ZNF610: variants seen among roughly 807,000 people sequenced by gnomAD.
The protein encoded by ZNF610 is zink finger protein.
A neutral mutation model predicts 14.1 loss-of-function variants in ZNF610; 14 were observed. That is an observed-to-expected ratio of 0.99 (90% CI 0.65 to 1.55). ZNF610 has a LOEUF of 1.55. Among genes scored for constraint, ZNF610 ranks in the 40% most tolerant of loss-of-function variants. The pLI is 0.00. For synonymous variants in ZNF610, 185 were observed against 187.6 expected (o/e 0.99, Z 0.11); for missense variants, 530 against 558.0 (o/e 0.95, Z 0.51).
rs948835586 is a variant in ZNF610, at chr19:52,367,048, C to T, written c.*281C>T. The T allele has an allele frequency of 5.1e-5, 19 of 369,244 alleles. No individual in the cohort carries two copies. In the South Asian group the frequency reaches 6.0e-4, roughly 12 times the overall value. 22.9% of individuals were successfully genotyped at this position (369,244 alleles called of 1,614,324 possible). A position where few individuals can be genotyped will look rare whatever the true frequency, so the allele number is the denominator to read the frequency against. ...AGGATTCACATTTAACTGCTGGCAC[C>T]GTAATTTGTAACTCTTTGATTTAGA... On this transcript the variant is annotated 3_prime_UTR_variant, in exon 6 of 6. Transcript: ENST00000403906.
intron 1 of ZNF610, among the ~76,000 whole-genome samples, chr19:52,337,981 C>G (rs1033634515): frequency 1.3e-5 from 2 of 151,492 alleles, no homozygotes; most frequent in African/African-American, 4.9e-5. Context: ...GAACACCCAA[C>G]ACAGAATGCC....
chr19:52,342,211 T>C (rs4801913), intron 1 of ZNF610, among the ~76,000 whole-genome samples: 108,012 of 152,024 alleles, frequency 0.71, 38,670 homozygotes, highest in African/African-American at 0.78. Context: ...CCAAAATGTA[T>C]CCAGATGGAG....
intron 2 of ZNF610, chr19:52,348,234 G>A (rs1277788037): frequency 6.6e-6 from 1 of 152,126 alleles, no homozygotes; most frequent in Non-Finnish European, 1.5e-5. Context: ...GTGCATGACT[G>A]TATTTGCATA....
chr19:52,345,727 T>C (rs972258895), intron 1 of ZNF610, among the ~76,000 whole-genome samples: 4 of 151,944 alleles, frequency 2.6e-5, no homozygotes, highest in East Asian at 1.9e-4. Flanking sequence ...TTTTTGGAGA[T>C]GGAGTCTCGC....
upstream of ZNF610, among the ~76,000 whole-genome samples, chr19:52,333,113 G>A (rs1488257013): frequency 6.6e-6 from 1 of 152,190 alleles, no homozygotes; most frequent in African/African-American, 2.4e-5. Flanking sequence ...ATAGGACAAA[G>A]GACAGAGGAT....
At chr19:52,346,234 A>G (rs1984950674) in intron 1 of ZNF610, among the ~76,000 whole-genome samples, 1 of 149,538 alleles carries the variant, frequency 6.7e-6, no homozygotes, top group African/African-American at 2.5e-5. Flanking sequence ...GCCCAGGCTC[A>G]GCTCACTGCA....
chr19:52,331,451 A>G (rs902450718), upstream of ZNF610, among the ~76,000 whole-genome samples: 5 of 152,174 alleles, frequency 3.3e-5, no homozygotes, highest in African/African-American at 1.2e-4. Context: ...GGTTAAATCT[A>G]ATGTGGTGGC....
chr19:52,366,007 G>A lies in ZNF610; in HGVS notation c.629G>A (p.Gly210Asp), dbSNP rs762246652. The change falls in exon 6 of 6, where the codon GGT becomes GAT. Residue 210 changes from glycine to aspartate, a missense_variant. Transcript: ENST00000403906. ...TATGAATATGAATGTAGTGAAGATG[G>A]TGAAGTTTTTAGAGTCCGTGCAAGC... ...KSYEYECSEDGEVFRVRASLT... is the reference protein window; with the variant it reads ...KSYEYECSEDDEVFRVRASLT... 49 of 1,614,008 alleles carry A rather than the reference G, an allele frequency of 3.0e-5. No individual in the cohort carries two copies. The highest frequency in any genetic ancestry group is 4.2e-5 in the Non-Finnish European group (49 of 1,180,042).
chr19:52,359,681 G>GT (rs765949552), intron 5 of ZNF610, among the ~76,000 whole-genome samples: 1 of 152,164 alleles, frequency 6.6e-6, no homozygotes, highest in Non-Finnish European at 1.5e-5. Context: ...CGGTATAGGA[G>GT]TTTTTTCCCA....
chr19:52,352,695 C>T (rs960603122), intron 3 of ZNF610, among the ~76,000 whole-genome samples: 1 of 152,028 alleles, frequency 6.6e-6, no homozygotes, highest in Non-Finnish European at 1.5e-5. Context: ...TGCTTCTGGT[C>T]CCTGCTCAGG....
intron 3 of ZNF610, among the ~76,000 whole-genome samples, chr19:52,351,299 A>G (rs1382067621): frequency 6.6e-6 from 1 of 151,854 alleles, no homozygotes; most frequent in African/African-American, 2.4e-5. Context: ...TCTACTAAAA[A>G]TACAAAATTA....
chr19:52,348,387 A>G (rs1198119882), intron 2 of ZNF610, among the ~76,000 whole-genome samples: 1 of 151,802 alleles, frequency 6.6e-6, no homozygotes, highest in Admixed American at 6.6e-5. Flanking sequence ...ATTGTTTGTT[A>G]CTTTTTGGTT....
In ZNF610 at chr19:52,366,351, T is replaced by C. The variant is rs779262885; in HGVS notation, c.973T>C (p.Phe325Leu). ...CAAATGTAATGAGTGTGGCAAGAAC[T>C]TCAGGCACAAATTTTCTCTAACCAA... ...PYKCNECGKN[F>L]RHKFSLTNHQ... is the part of the protein sequence containing the mutation. Residue 325 changes from phenylalanine to leucine, a missense_variant, in exon 6 of 6, where the codon TTC becomes CTC. By Grantham distance (22) the Phe-to-Leu change is conservative. Transcript: ENST00000403906. 4 of 1,613,936 alleles carry C rather than the reference T, an allele frequency of 2.5e-6. No individual in the cohort carries two copies. The highest frequency in any genetic ancestry group is 2.2e-5 in the East Asian group (1 of 44,890).
intron 4 of ZNF610, 71 bp downstream of exon 4, chr19:52,353,879 T>C: frequency 1.3e-5 from 20 of 1,534,978 alleles, no homozygotes; most frequent in Non-Finnish European, 1.7e-5. Flanking sequence ...TGCGTGCCTC[T>C]TGGGAGCCCC....
intron 5 of ZNF610, among the ~76,000 whole-genome samples, chr19:52,358,401 C>A (rs146924144): frequency 6.6e-6 from 1 of 152,198 alleles, no homozygotes; most frequent in Non-Finnish European, 1.5e-5. Context: ...CCAGGATGGT[C>A]TCGATCTCCT....
intron 1 of ZNF610, among the ~76,000 whole-genome samples, chr19:52,339,124 A>G (rs2122169306): frequency 6.6e-6 from 1 of 152,182 alleles, no homozygotes; most frequent in Non-Finnish European, 1.5e-5. Flanking sequence ...AGTAAAGAGC[A>G]GTATTGCTGC....
chr19:52,357,772 C>T (rs575761731), intron 5 of ZNF610, among the ~76,000 whole-genome samples: 13 of 152,058 alleles, frequency 8.5e-5, no homozygotes, highest in Admixed American at 6.6e-4. Context: ...GAGCTATGAT[C>T]GCGCCACTGC....
intron 1 of ZNF610, among the ~76,000 whole-genome samples, chr19:52,336,982 T>G (rs1984417387): frequency 6.6e-6 from 1 of 151,964 alleles, no homozygotes; most frequent in Admixed American, 6.6e-5. Flanking sequence ...TAGAAAAATT[T>G]TGAAAAAGAA....
chr19:52,340,222 G>A (rs1229115240), intron 1 of ZNF610, among the ~76,000 whole-genome samples: 2 of 152,080 alleles, frequency 1.3e-5, no homozygotes, highest in South Asian at 2.1e-4. Context: ...CCAACGTGGT[G>A]AAAAATAAAA....
Sources: allele counts gnomAD v4.1 joint callset (sites outside exome capture counted in the v4.1 genomes callset), GRCh38; gene constraint gnomAD v4.1.1; transcripts MANE v1.5; gene names NCBI Gene and HGNC (gene_info 2026-07-23, HGNC 2026-07-21).